TSHZ2: variants seen among roughly 807,000 people sequenced by gnomAD.
TSHZ2 encodes teashirt zinc finger homeobox 2.
In TSHZ2, 21 loss-of-function variants were observed where a neutral mutation model predicts 74.4. The observed-to-expected ratio is 0.28, with a 90% confidence interval of 0.20 to 0.41. The LOEUF is 0.41. TSHZ2 is among the 10% of genes least tolerant of loss of function. The pLI is 1.00. For missense variants in TSHZ2, 1,244 were observed against 1,293.5 expected (o/e 0.96, Z 0.59); for synonymous variants, 540 against 515.3 (o/e 1.05, Z -0.65).
chr20:53,195,628 A>G (rs965235090), intron 1 of TSHZ2, among the ~76,000 whole-genome samples: 2 of 152,216 alleles, frequency 1.3e-5, no homozygotes, highest in Admixed American at 6.5e-5. Context: ...GTTTACCAGG[A>G]CAGTGACCCT....
At chr20:53,285,721 G>GGAA in intron 2 of TSHZ2, among the ~76,000 whole-genome samples, 1 of 148,020 alleles carries the variant, frequency 6.8e-6, no homozygotes, top group Non-Finnish European at 1.5e-5. Flanking sequence ...CATCTCAAGA[G>GGAA]AAAAAAAAAA....
At chr20:53,378,475 CTT>C (rs1281890953) in intron 2 of TSHZ2, among the ~76,000 whole-genome samples, 1 of 152,128 alleles carries the variant, frequency 6.6e-6, no homozygotes, top group East Asian at 1.9e-4. Flanking sequence ...AAAAAAAACT[CTT>C]CAAATTTGTA....
chr20:53,479,804 A>T (rs966640196), intron 2 of TSHZ2, among the ~76,000 whole-genome samples: 1 of 152,220 alleles, frequency 6.6e-6, no homozygotes, highest in African/African-American at 2.4e-5. Flanking sequence ...TGCTGCTGGC[A>T]TCTAGTGGGT....
intron 2 of TSHZ2, among the ~76,000 whole-genome samples, chr20:53,287,430 T>G (rs1194299190): frequency 6.6e-6 from 1 of 152,106 alleles, no homozygotes; most frequent in Non-Finnish European, 1.5e-5. Flanking sequence ...GGAGTTACAG[T>G]TTAGATGTTG....
chr20:53,160,300 C>T (rs1019252602), intron 1 of TSHZ2, among the ~76,000 whole-genome samples: 6 of 152,154 alleles, frequency 3.9e-5, no homozygotes, highest in Non-Finnish European at 7.3e-5. Context: ...ATGGGATGAT[C>T]TTTCACCTTC....
At chr20:53,144,753 G>A (rs569096482) in intron 1 of TSHZ2, among the ~76,000 whole-genome samples, 4 of 151,968 alleles carry the variant, frequency 2.6e-5, no homozygotes, top group South Asian at 4.2e-4. Context: ...TATGTTCCTC[G>A]TACTATGAGG....
chr20:53,321,697 A>AAAAAAAAAAAAAAAAAAG (rs1555850300), intron 2 of TSHZ2, among the ~76,000 whole-genome samples: 18 of 140,546 alleles, frequency 1.3e-4, no homozygotes, highest in East Asian at 2.1e-4. Flanking sequence ...AAAAAAAAAA[A>AAAAAAAAAAAAAAAAAAG]AAAGAAAGAC....
At position 53,256,034 on chromosome 20, in the gene TSHZ2, A is replaced by T; in HGVS notation, c.2576A>T (p.Gln859Leu). Residue 859 changes from glutamine to leucine, a missense_variant, in exon 2 of 3, where the codon CAG (glutamine) becomes CTG (leucine). Physicochemically the swap from Gln to Leu is moderately radical, Grantham distance 113 (BLOSUM62 -2). This residue lies in a region of TSHZ2 where 4 missense variants were observed against 19.1 expected (regional missense o/e 0.21). Transcript: ENST00000371497. This position sits in a 1 kb window ranked among gnomAD's most constrained non-coding sequence, Gnocchi z 4.3. The stretch of plus-strand genomic sequence containing the variant: ...CAGCATCTTCTGATTCTACAAGCCC[A>T]GTTTGCCTCGAGCCTCTTCCAGACA... ...NPQHLLILQA[Q>L]FASSLFQTSE... 3 of 1,613,268 alleles carry T rather than the reference A, an allele frequency of 1.9e-6. No individual in the cohort carries two copies. The highest frequency in any genetic ancestry group is 2.5e-6 in the Non-Finnish European group (3 of 1,179,376).
intron 1 of TSHZ2, among the ~76,000 whole-genome samples, chr20:53,204,545 C>A (rs1437903814): frequency 6.6e-6 from 1 of 151,898 alleles, no homozygotes; most frequent in Non-Finnish European, 1.5e-5. Context: ...ATATGAAATT[C>A]CATGCATAGC....
chr20:53,096,461 A>G (rs1358312529), intron 1 of TSHZ2, among the ~76,000 whole-genome samples: 1 of 152,154 alleles, frequency 6.6e-6, no homozygotes, highest in East Asian at 1.9e-4. Context: ...TTTTTAGTAC[A>G]GGTGTGAGAT....
intron 2 of TSHZ2, among the ~76,000 whole-genome samples, chr20:53,283,891 C>T (rs56123245): frequency 0.022 from 3,346 of 152,250 alleles, 122 homozygotes; most frequent in African/African-American, 0.076. Flanking sequence ...GGTCTGTGAC[C>T]TGGGTTTATG....
intron 1 of TSHZ2, among the ~76,000 whole-genome samples, chr20:53,139,245 G>C (rs767543641): frequency 1.3e-5 from 2 of 152,138 alleles, no homozygotes; most frequent in Non-Finnish European, 2.9e-5. Context: ...AGAGACTAAG[G>C]CTATTTTGTT....
chr20:53,407,334 T>C (rs988408897), intron 2 of TSHZ2, among the ~76,000 whole-genome samples: 5 of 152,212 alleles, frequency 3.3e-5, no homozygotes, highest in African/African-American at 1.2e-4. Flanking sequence ...ACAGTGGTCA[T>C]TTTTGCCCCT....
chr20:53,384,931 G>T (rs1017934567), intron 2 of TSHZ2, among the ~76,000 whole-genome samples: 2 of 152,168 alleles, frequency 1.3e-5, no homozygotes, highest in Non-Finnish European at 2.9e-5. Flanking sequence ...GACCATCCTG[G>T]CTAACACGGT....
At chr20:52,987,084 T>C (rs768450063) in intron 1 of TSHZ2, among the ~76,000 whole-genome samples, 4 of 152,182 alleles carry the variant, frequency 2.6e-5, no homozygotes, top group Non-Finnish European at 5.9e-5. Flanking sequence ...CATTAAAACT[T>C]CCAAAAACTT....
chr20:53,051,419 C>T (rs918801752), intron 1 of TSHZ2, among the ~76,000 whole-genome samples: 4 of 146,940 alleles, frequency 2.7e-5, no homozygotes, highest in African/African-American at 9.9e-5. Context: ...GGTACCAAAT[C>T]TAAAGAAATA....
intron 1 of TSHZ2, among the ~76,000 whole-genome samples, chr20:53,201,931 A>G (rs1174700030): frequency 1.3e-5 from 2 of 152,244 alleles, no homozygotes; most frequent in Non-Finnish European, 1.5e-5. Context: ...GTAATGGCAG[A>G]GAAGGCCAGA....
At chr20:53,137,325 TG>T (rs1485522020) in intron 1 of TSHZ2, among the ~76,000 whole-genome samples, 1 of 145,746 alleles carries the variant, frequency 6.9e-6, no homozygotes, top group Admixed American at 7.2e-5. Flanking sequence ...TTCTAAACAC[TG>T]TGTATCAAGT....
intron 2 of TSHZ2, among the ~76,000 whole-genome samples, chr20:53,406,173 A>C (rs1480899301): frequency 6.6e-6 from 1 of 152,086 alleles, no homozygotes; most frequent in African/African-American, 2.4e-5. Context: ...TATCAAGGTT[A>C]TAAGAGGGAG....
Sources: allele counts gnomAD v4.1 joint callset (sites outside exome capture counted in the v4.1 genomes callset), GRCh38; gene constraint gnomAD v4.1.1; regional missense constraint gnomAD v4.1.1; non-coding constraint Gnocchi (gnomAD v3.1); transcripts MANE v1.5; gene names NCBI Gene and HGNC (gene_info 2026-07-23, HGNC 2026-07-21).